The following GSE1 variants were observed in gnomAD, a reference collection of about 807,000 sequenced individuals.
The protein encoded by GSE1 is Gse1 coiled-coil protein, also known as genetic suppressor element 1.
GSE1 carries 32 observed loss-of-function variants against 112.6 expected under a neutral mutation model. The observed-to-expected ratio is 0.28, with a 90% CI of 0.21 to 0.38. The LOEUF (loss-of-function observed/expected upper bound fraction) is 0.38, where lower values mean the gene tolerates loss of function less well. Among genes scored for constraint, GSE1 ranks in the 10% least tolerant of loss-of-function variants. The pLI is 1.00. For missense variants in GSE1, 2,348 were observed against 1,699.2 expected, an observed-to-expected ratio of 1.38 and a Z score of -6.71; for synonymous variants, 1,115 against 735.6, an observed-to-expected ratio of 1.52 and a Z score of -8.35.
chr16:85,182,133 G>C (rs555449465), intron 1 of GSE1, among the ~76,000 whole-genome samples: 111 of 152,308 alleles, frequency 7.3e-4, no homozygotes, highest in African/African-American at 2.5e-3. Flanking sequence ...TGGACAGCGA[G>C]GGCTCCTGGG....
intron 1 of GSE1, among the ~76,000 whole-genome samples, chr16:85,578,235 G>A (rs1268840012): frequency 2.0e-5 from 3 of 152,240 alleles, no homozygotes; most frequent in Non-Finnish European, 2.9e-5. Context: ...TGCTTGCTGT[G>A]CGGCTTCCCC....
chr16:85,333,088 C>G (rs1347873602), intron 1 of GSE1, among the ~76,000 whole-genome samples: 2 of 152,124 alleles, frequency 1.3e-5, no homozygotes, highest in African/African-American at 4.8e-5. Flanking sequence ...ACCCCCAAAT[C>G]AGCCAGCACT....
intron 2 of GSE1, among the ~76,000 whole-genome samples, chr16:85,443,602 T>A (rs551350710): frequency 0.065 from 9,895 of 152,280 alleles, 1,083 homozygotes; most frequent in African/African-American, 0.23. Context: ...AAGCATAGGT[T>A]CAGATGCTTC....
In GSE1 at chr16:85,194,638, A is replaced by G. The variant is rs1223615453; in HGVS notation, c.2283+22831A>G. Among the ~76,000 whole-genome samples the G allele has an allele frequency of 2.6e-5, 4 of 152,250 alleles. No individual in the cohort carries two copies. The East Asian group carries it at 5.8e-4, about 22-fold the overall frequency. The stretch of plus-strand genomic sequence containing the variant: ...TTTTTTTTCCCCCTTGCTCAAATGC[A>G]TTTGGGAAACAGTTAGATTAAAGAC... On this transcript the variant is annotated intron_variant, in intron 1 of 2. Transcript: ENST00000637419.
chr16:85,348,296 T>TCATCCATC (rs57742912), intron 1 of GSE1, among the ~76,000 whole-genome samples: 1,534 of 151,240 alleles, frequency 0.01, 12 homozygotes, highest in African/African-American at 0.027. Flanking sequence ...CATCCACTGT[T>TCATCCATC]CATCCATCCA....
intron 2 of GSE1, among the ~76,000 whole-genome samples, chr16:85,446,310 T>G (rs538059317): frequency 1.3e-5 from 2 of 152,314 alleles, no homozygotes; most frequent in African/African-American, 4.8e-5. Context: ...CTCTCAGCTG[T>G]GAGACCTTGG....
intron 2 of GSE1, among the ~76,000 whole-genome samples, chr16:85,395,717 G>C (rs1370317119): frequency 6.6e-6 from 1 of 152,046 alleles, no homozygotes; most frequent in Non-Finnish European, 1.5e-5. Flanking sequence ...GCCCTCCCCT[G>C]CCCACGCTCT....
intron 1 of GSE1, among the ~76,000 whole-genome samples, chr16:85,566,740 T>A (rs910968795): frequency 2.0e-5 from 3 of 152,226 alleles, no homozygotes; most frequent in African/African-American, 7.2e-5. Flanking sequence ...ACCTCCTCGC[T>A]GGTCCTAACT....
upstream of GSE1, chr16:85,613,202 T>C: frequency 7.0e-7 from 1 of 1,432,944 alleles, no homozygotes; most frequent in Non-Finnish European, 9.1e-7. Flanking sequence ...TGGGCGGCGT[T>C]GCGTTTGGGT....
chr16:85,500,372 C>G (rs941304335), intron 2 of GSE1, among the ~76,000 whole-genome samples: 2 of 152,172 alleles, frequency 1.3e-5, no homozygotes, highest in African/African-American at 2.4e-5. Flanking sequence ...TACGTGTGGT[C>G]TTGGGGAAGG....
chr16:85,599,254 G>A (rs1164769506), intron 1 of GSE1, among the ~76,000 whole-genome samples: 5 of 152,194 alleles, frequency 3.3e-5, no homozygotes, highest in Admixed American at 1.3e-4. Context: ...AGAGAGAGGC[G>A]GGGGAGAAGA....
chr16:85,462,581 TAGC>T (rs1262499235), intron 2 of GSE1, among the ~76,000 whole-genome samples: 3 of 150,242 alleles, frequency 2.0e-5, no homozygotes, highest in Admixed American at 6.7e-5. Context: ...GAGCCTTAAT[TAGC>T]AGCGGCGGGG....
chr16:85,429,234 C>G (rs2049062870), intron 2 of GSE1, among the ~76,000 whole-genome samples: 1 of 152,204 alleles, frequency 6.6e-6, no homozygotes, highest in African/African-American at 2.4e-5. Flanking sequence ...GTCCGGAGCA[C>G]CCCCCAGGAT....
At chr16:85,387,100 C>A (rs978631098) in intron 2 of GSE1, among the ~76,000 whole-genome samples, 2 of 152,074 alleles carry the variant, frequency 1.3e-5, no homozygotes. Context: ...CTGCCACTGC[C>A]CGACCACCGT....
intron 1 of GSE1, among the ~76,000 whole-genome samples, chr16:85,326,067 T>C (rs1445289840): frequency 1.3e-5 from 2 of 152,124 alleles, no homozygotes; most frequent in Non-Finnish European, 2.9e-5. Flanking sequence ...TAAAAATACG[T>C]TCATATGAAA....
At chr16:85,570,680 C>T (rs1471923242) in intron 1 of GSE1, among the ~76,000 whole-genome samples, 1 of 152,212 alleles carries the variant, frequency 6.6e-6, no homozygotes, top group African/African-American at 2.4e-5. Context: ...CAACTTTGTT[C>T]TCCTTGCCCT....
intron 1 of GSE1, among the ~76,000 whole-genome samples, chr16:85,281,888 G>A (rs767060648): frequency 2.0e-5 from 3 of 152,166 alleles, no homozygotes; most frequent in Non-Finnish European, 4.4e-5. Context: ...GCCCACCACA[G>A]CATGCCAGCA....
chr16:85,540,234 G>A (rs529243151), intron 2 of GSE1, among the ~76,000 whole-genome samples: 2 of 152,222 alleles, frequency 1.3e-5, no homozygotes, highest in Admixed American at 6.5e-5. Context: ...GGACGTACAC[G>A]TCTGGTAGGT....
intron 2 of GSE1, among the ~76,000 whole-genome samples, chr16:85,534,504 T>G (rs981614224): frequency 6.6e-6 from 1 of 152,238 alleles, no homozygotes; most frequent in South Asian, 2.1e-4. Context: ...CTGGCTCGTT[T>G]TACCCAGTGC....
Sources: gnomAD v4.1 joint callset for allele counts (sites outside exome capture counted in the v4.1 genomes callset) on GRCh38, gnomAD v4.1.1 for gene constraint, MANE v1.5 for transcripts, NCBI Gene and HGNC (gene_info 2026-07-23, HGNC 2026-07-21) for gene names.